PPP1R14C: variants seen among roughly 807,000 people sequenced by gnomAD.
The protein encoded by PPP1R14C is protein phosphatase 1 regulatory inhibitor subunit 14C.
PPP1R14C carries 16 observed loss-of-function variants against 20.4 expected under a neutral mutation model. The observed-to-expected ratio is 0.78, with a 90% CI of 0.53 to 1.19. The LOEUF is 1.19. PPP1R14C is among the 50% of genes most tolerant of loss of function. PPP1R14C has a pLI of 0.00. For missense variants in PPP1R14C, 211 were observed against 220.1 expected, an observed-to-expected ratio of 0.96 and a Z score of 0.26; for synonymous variants, 91 against 91.0, an observed-to-expected ratio of 1.00 and a Z score of 0.00.
intron 1 of PPP1R14C, among the ~76,000 whole-genome samples, chr6:150,192,840 G>T (rs1422945163): frequency 6.6e-6 from 1 of 152,084 alleles, no homozygotes; most frequent in Non-Finnish European, 1.5e-5. Context: ...CTGGCTTCTT[G>T]CCCTCTCTGT....
At chr6:150,218,267 G>A (rs1187281131) in intron 3 of PPP1R14C, among the ~76,000 whole-genome samples, 1 of 152,094 alleles carries the variant, frequency 6.6e-6, no homozygotes. Context: ...GCCGGGTGTG[G>A]TGGCCGGTGC....
chr6:150,158,529 TAA>T (rs1777330061), intron 1 of PPP1R14C, among the ~76,000 whole-genome samples: 1 of 152,256 alleles, frequency 6.6e-6, no homozygotes, highest in Admixed American at 6.5e-5. Context: ...GTATTCTAGG[TAA>T]AACTCTTTTT....
chr6:150,166,596 G>T (rs1777425026), intron 1 of PPP1R14C, among the ~76,000 whole-genome samples: 1 of 152,172 alleles, frequency 6.6e-6, no homozygotes, highest in Non-Finnish European at 1.5e-5. Flanking sequence ...GGAAAATGGG[G>T]CTGCCTCCGC....
rs545380811 is a variant in PPP1R14C, at chr6:150,219,169, T to G, written c.423+2313T>G. On this transcript the variant is annotated intron_variant, in intron 3 of 3. Coordinates refer to ENST00000361131, the MANE Select transcript of PPP1R14C (RefSeq NM_030949.3). ...GTTAAGCTAACAGTAAATATGATCATGGTTCCTTTTTGTATAGCCCTTTGT... is the reference window on the plus strand; with the variant it reads ...GTTAAGCTAACAGTAAATATGATCAGGGTTCCTTTTTGTATAGCCCTTTGT... 2.4e-4 allele frequency among the ~76,000 whole-genome samples: 37 copies of G among 152,254 alleles called. 1 individual carries two copies. The highest frequency in any genetic ancestry group is 1.5e-5 in the Non-Finnish European group (1 of 68,018).
At chr6:150,183,174 TATTTGAAGGGG>T (rs1394940580) in intron 1 of PPP1R14C, among the ~76,000 whole-genome samples, 2 of 151,786 alleles carry the variant, frequency 1.3e-5, no homozygotes, top group African/African-American at 4.9e-5. Context: ...AGACTTTTCA[TATTTGAAGGGG>T]ATTTTTTTTT....
At chr6:150,171,558 A>C (rs1777499265) in intron 1 of PPP1R14C, among the ~76,000 whole-genome samples, 1 of 152,184 alleles carries the variant, frequency 6.6e-6, no homozygotes, top group Non-Finnish European at 1.5e-5. Flanking sequence ...TCCACACAGA[A>C]TCTGTGATTG....
chr6:150,173,012 A>G (rs971879913), intron 1 of PPP1R14C, among the ~76,000 whole-genome samples: 8 of 152,066 alleles, frequency 5.3e-5, no homozygotes, highest in African/African-American at 1.9e-4. Flanking sequence ...GAGCCACCCA[A>G]ATAGACCTGG....
At chr6:150,171,672 G>A (rs1446946769) in intron 1 of PPP1R14C, among the ~76,000 whole-genome samples, 1 of 152,084 alleles carries the variant, frequency 6.6e-6, no homozygotes, top group East Asian at 1.9e-4. Flanking sequence ...CATGCAAACA[G>A]CCTGATTTCT....
intron 1 of PPP1R14C, among the ~76,000 whole-genome samples, chr6:150,190,638 G>A (rs1478508436): frequency 4.6e-5 from 7 of 151,974 alleles, no homozygotes; most frequent in Admixed American, 1.3e-4. Flanking sequence ...TGTTGGCCAC[G>A]ACGGTCTTGA....
intron 1 of PPP1R14C, among the ~76,000 whole-genome samples, chr6:150,170,233 G>T (rs1777481070): frequency 6.6e-6 from 1 of 152,052 alleles, no homozygotes; most frequent in African/African-American, 2.4e-5. Flanking sequence ...AATACAATCT[G>T]CCACACAAGA....
chr6:150,214,805 AAG>A lies in PPP1R14C; in HGVS notation c.375_376del (p.Arg125SerfsTer69). The A allele has an allele frequency of 6.2e-7, 1 of 1,611,506 alleles. No individual in the cohort carries two copies. Among genetic ancestry groups the A allele is most frequent in the Non-Finnish European group, 8.5e-7 (1 of 1,178,990 alleles). ...GATCTTCTTGATGCAGACAGTGATG[AAG>A]AGAGAGCTTCAAAATTACAGGTAAG... On this transcript the variant is annotated frameshift_variant, in exon 2 of 4. Transcript: ENST00000361131. LOFTEE classifies it high-confidence loss of function.
intron 3 of PPP1R14C, among the ~76,000 whole-genome samples, chr6:150,231,084 C>G (rs1297672405): frequency 6.6e-6 from 1 of 152,188 alleles, no homozygotes; most frequent in Non-Finnish European, 1.5e-5. Context: ...GGGCGCAGAG[C>G]TCAGAGTAGA....
At chr6:150,156,791 G>A (rs531208936) in intron 1 of PPP1R14C, among the ~76,000 whole-genome samples, 1 of 152,330 alleles carries the variant, frequency 6.6e-6, no homozygotes, top group Admixed American at 6.5e-5. Flanking sequence ...TGTTAGACAA[G>A]TGCCTTTTGT....
chr6:150,158,299 T>TA (rs1777327096), intron 1 of PPP1R14C, among the ~76,000 whole-genome samples: 1 of 152,194 alleles, frequency 6.6e-6, no homozygotes, highest in African/African-American at 2.4e-5. Context: ...GGCAGAGGCT[T>TA]ATGAGATTTT....
intron 3 of PPP1R14C, 134 bp from the exon 4 acceptor site, chr6:150,248,612 C>T: frequency 1.7e-6 from 1 of 574,492 alleles, no homozygotes; most frequent in Non-Finnish European, 3.1e-6. Context: ...TGTATTATAC[C>T]AGTGGGGGTT....
chr6:150,217,041 G>A (rs1778102869), intron 3 of PPP1R14C, among the ~76,000 whole-genome samples, 185 bp downstream of exon 3: 2 of 152,166 alleles, frequency 1.3e-5, no homozygotes. Flanking sequence ...AACATGTCTA[G>A]TTCAGAGATA....
Position 150,218,474 on chromosome 6 carries a change from ACC to A in PPP1R14C, c.423+1628_423+1629del, listed in dbSNP as rs761314559. Among the ~76,000 whole-genome samples, 134 of 98,376 alleles carry A rather than the reference ACC, an allele frequency of 1.4e-3. 4 individuals carry two copies. Among genetic ancestry groups the A allele is most frequent in the African/African-American group, 5.1e-3 (122 of 24,074 alleles). 64.5% of individuals were successfully genotyped at this position (98,376 alleles called of 152,430 possible). A position where few individuals can be genotyped will look rare whatever the true frequency, so the allele number is the denominator to read the frequency against. ...ATTAATGTAATACTAATACATCTGA[ACC>A]CCCCCCCCCAAAAAAAAATTCTGAG... On this transcript the variant is annotated intron_variant, in intron 3 of 3. Transcript: ENST00000361131.
chr6:150,241,951 G>T (rs1778436654), intron 3 of PPP1R14C, among the ~76,000 whole-genome samples: 1 of 152,180 alleles, frequency 6.6e-6, no homozygotes, highest in South Asian at 2.1e-4. Context: ...GTCTTCTGGA[G>T]AATTACTTGA....
chr6:150,210,134 C>T (rs1562270389), intron 1 of PPP1R14C, among the ~76,000 whole-genome samples: 1 of 152,152 alleles, frequency 6.6e-6, no homozygotes, highest in Non-Finnish European at 1.5e-5. Flanking sequence ...GCATGCCCAG[C>T]GCCAGGTTCT....
Sources: gnomAD v4.1 joint callset for allele counts (sites outside exome capture counted in the v4.1 genomes callset) on GRCh38, gnomAD v4.1.1 for gene constraint, MANE v1.5 for transcripts, NCBI Gene and HGNC (gene_info 2026-07-23, HGNC 2026-07-21) for gene names.